Variants in ZNF713 observed in about 807,000 individuals in gnomAD.
ZNF713 encodes zinc finger protein 713.
Under a neutral mutation model 28.7 loss-of-function variants are expected in ZNF713, and 21 were observed. The ratio of observed to expected loss-of-function variants is 0.73; its 90% CI spans 0.52 to 1.05. The LOEUF (loss-of-function observed/expected upper bound fraction) is 1.05, where lower values mean the gene tolerates loss of function less well. Ranked by LOEUF, ZNF713 falls within the 50% of genes least tolerant of loss-of-function variation. ZNF713 has a pLI of 0.00. For synonymous variants in ZNF713, 167 were observed against 178.0 expected, an observed-to-expected ratio of 0.94 and a Z score of 0.49; for missense variants, 458 against 532.4, an observed-to-expected ratio of 0.86 and a Z score of 1.37.
intron 4 of ZNF713, among the ~76,000 whole-genome samples, chr7:55,914,311 T>C (rs942263887): frequency 2.0e-5 from 3 of 152,184 alleles, no homozygotes; most frequent in Admixed American, 6.6e-5. Flanking sequence ...TATGTGATAA[T>C]CATTATCCTT....
At chr7:55,890,731 A>G (rs1785366137) in intron 1 of ZNF713, among the ~76,000 whole-genome samples, 1 of 152,106 alleles carries the variant, frequency 6.6e-6, no homozygotes, top group East Asian at 1.9e-4. Context: ...ATCAAATATT[A>G]AGGAGAGGCT....
chr7:55,919,507 T>TTGTTTTTTTTTTGG (rs1562743570), intron 4 of ZNF713, among the ~76,000 whole-genome samples: 2 of 62,686 alleles, frequency 3.2e-5, no homozygotes, highest in Non-Finnish European at 5.9e-5. Context: ...TTTTTTTTTT[T>TTGTTTTTTTTTTGG]TTTTTTTTTT....
chr7:55,902,324 T>C (rs1227238437), intron 1 of ZNF713, among the ~76,000 whole-genome samples: 1 of 152,246 alleles, frequency 6.6e-6, no homozygotes, highest in African/African-American at 2.4e-5. Context: ...TAAAACTAGA[T>C]GTTTATTAAA....
intron 2 of ZNF713, among the ~76,000 whole-genome samples, chr7:55,907,047 G>A (rs1785692091): frequency 6.6e-6 from 1 of 152,078 alleles, no homozygotes; most frequent in Admixed American, 6.5e-5. Flanking sequence ...CTGGAGCAAG[G>A]AAGGCCTCTC....
chr7:55,910,754 C>T (rs10238658), intron 2 of ZNF713, among the ~76,000 whole-genome samples: 4,580 of 152,300 alleles, frequency 0.03, 225 homozygotes, highest in African/African-American at 0.1. Flanking sequence ...CCTCAGCCTC[C>T]CAAAGTGCTG....
At chr7:55,904,488 AGTAAT>A (rs1785641600) in intron 1 of ZNF713, among the ~76,000 whole-genome samples, 1 of 148,556 alleles carries the variant, frequency 6.7e-6, no homozygotes, top group Admixed American at 6.7e-5. Context: ...AAAAAAAAAA[AGTAAT>A]GAGGTCCATT....
intron 4 of ZNF713, among the ~76,000 whole-genome samples, chr7:55,916,310 C>T (rs960882384): frequency 6.6e-6 from 1 of 152,216 alleles, no homozygotes; most frequent in Non-Finnish European, 1.5e-5. Flanking sequence ...CATTCTTCTT[C>T]CTTAAACATG....
At chr7:55,906,818 G>A (rs892277409) in intron 2 of ZNF713, among the ~76,000 whole-genome samples, 1 of 152,158 alleles carries the variant, frequency 6.6e-6, no homozygotes, top group Non-Finnish European at 1.5e-5. Context: ...GTAAGCAGCA[G>A]TAGCCAAAAA....
Position 55,896,601 on chromosome 7 carries a change from G to GTATA in ZNF713, c.-583+8930_-583+8933dup, listed in dbSNP as rs4049408. Reference sequence around the variant, plus strand: ...TTAATATATATGTGTGTGTGTGTGTGTATATATATATACACACACATAAAC... The same window carrying GTATA: ...TTAATATATATGTGTGTGTGTGTGTGTATATATATATATATACACACACATAAAC... On this transcript the variant is annotated intron_variant, in intron 1 of 6. Transcript: ENST00000429591. Among the ~76,000 whole-genome samples, 510 of 149,360 alleles carry GTATA rather than the reference G, an allele frequency of 3.4e-3. 1 individual carries two copies. The highest frequency in any genetic ancestry group is 9.9e-3 in the African/African-American group (401 of 40,692).
At position 55,913,530 on chromosome 7, in the gene ZNF713, C is replaced by A. The variant is rs138819591; in HGVS notation, c.87+807C>A. ...TCTGTTACGATTCTATAATCTGATT[C>A]GGTATTATGTAAACTGGTGAGTATG... On this transcript the variant is annotated intron_variant, in intron 4 of 6. Coordinates refer to ENST00000429591, the MANE Select transcript of ZNF713 (RefSeq NM_182633.3). 2.0e-5 allele frequency among the ~76,000 whole-genome samples: 3 copies of A among 151,954 alleles called. 1 individual carries two copies. The highest frequency in any genetic ancestry group is 7.3e-5 in the African/African-American group (3 of 41,366).
intron 1 of ZNF713, among the ~76,000 whole-genome samples, chr7:55,894,231 G>C (rs1330377069): frequency 1.3e-5 from 2 of 152,214 alleles, no homozygotes; most frequent in Non-Finnish European, 2.9e-5. Flanking sequence ...GGATATTCCA[G>C]GGGTTTAGAG....
intron 6 of ZNF713, 115 bp from the exon 7 acceptor site, chr7:55,938,867 T>C (rs2116276686): frequency 1.8e-6 from 2 of 1,109,244 alleles, no homozygotes; most frequent in East Asian, 4.9e-5. Context: ...CGTGTATGCC[T>C]TGTACACATT....
intron 1 of ZNF713, among the ~76,000 whole-genome samples, chr7:55,901,112 T>A (rs1346072489): frequency 6.6e-6 from 1 of 152,238 alleles, no homozygotes; most frequent in African/African-American, 2.4e-5. Context: ...ACGCTGCTGA[T>A]AAAGACATAC....
chr7:55,907,991 T>G (rs1275234729), intron 2 of ZNF713, among the ~76,000 whole-genome samples: 2 of 152,102 alleles, frequency 1.3e-5, no homozygotes, highest in Non-Finnish European at 2.9e-5. Flanking sequence ...GTGGGATTGC[T>G]GGGTCGAAAG....
At chr7:55,900,349 TC>T (rs35952794) in intron 1 of ZNF713, among the ~76,000 whole-genome samples, 8,516 of 140,980 alleles carry the variant, frequency 0.06, 334 homozygotes, top group East Asian at 0.24. Context: ...GTGTCTGTAA[TC>T]CCATTTACTC....
At chr7:55,909,727 G>A (rs912536131) in intron 2 of ZNF713, among the ~76,000 whole-genome samples, 1 of 151,978 alleles carries the variant, frequency 6.6e-6, no homozygotes, top group Non-Finnish European at 1.5e-5. Flanking sequence ...TCAGTGTTTT[G>A]TAATTCTCCT....
At chr7:55,924,022 C>G (rs1194957318) in intron 6 of ZNF713, 1 of 164,082 alleles carries the variant, frequency 6.1e-6, no homozygotes, top group Non-Finnish European at 1.3e-5. Context: ...ATTTACACAT[C>G]CCTTATCAGT....
At chr7:55,915,111 G>A (rs1785856601) in intron 4 of ZNF713, among the ~76,000 whole-genome samples, 1 of 152,230 alleles carries the variant, frequency 6.6e-6, no homozygotes, top group Non-Finnish European at 1.5e-5. Context: ...GATTATAGGC[G>A]TGAGCCGCCG....
chr7:55,900,890 C>T (rs1047362617), intron 1 of ZNF713, among the ~76,000 whole-genome samples: 1 of 152,016 alleles, frequency 6.6e-6, no homozygotes, highest in Non-Finnish European at 1.5e-5. Flanking sequence ...AGGCTGGTCT[C>T]GAACTCCTGA....
Sources: gnomAD v4.1 joint callset for allele counts (sites outside exome capture counted in the v4.1 genomes callset) on GRCh38, gnomAD v4.1.1 for gene constraint, MANE v1.5 for transcripts, NCBI Gene and HGNC (gene_info 2026-07-23, HGNC 2026-07-21) for gene names.